The following FRAS1 variants were observed in gnomAD, a reference collection of about 807,000 sequenced individuals.
FRAS1 encodes the protein Fraser extracellular matrix complex subunit 1.
Under a neutral mutation model 435.2 loss-of-function variants are expected in FRAS1, and 290 were observed. The observed-to-expected ratio is 0.67, with a 90% CI of 0.61 to 0.73. The LOEUF is 0.73. FRAS1 is among the 30% of genes least tolerant of loss of function. FRAS1 has a pLI of 0.00. For missense variants in FRAS1, 4,860 were observed against 5,001.5 expected, an observed-to-expected ratio of 0.97 and a Z score of 0.85; for synonymous variants, 1,800 against 1,851.0, an observed-to-expected ratio of 0.97 and a Z score of 0.71.
At chr4:78,334,237 C>T (rs921172066) in intron 19 of FRAS1, among the ~76,000 whole-genome samples, 2 of 151,782 alleles carry the variant, frequency 1.3e-5, no homozygotes, top group African/African-American at 4.8e-5. Flanking sequence ...TTAGAAGCAA[C>T]AAATATTACC....
At chr4:78,342,825 A>AG (rs1443584693) in intron 20 of FRAS1, among the ~76,000 whole-genome samples, 1 of 152,218 alleles carries the variant, frequency 6.6e-6, no homozygotes, top group Non-Finnish European at 1.5e-5. Flanking sequence ...GTAATATTGC[A>AG]GAGGGGAAGA....
At chr4:78,328,691 C>G (rs1164479142) in intron 18 of FRAS1, among the ~76,000 whole-genome samples, 1 of 151,994 alleles carries the variant, frequency 6.6e-6, no homozygotes, top group Admixed American at 6.6e-5. Context: ...ATTTTGAGGG[C>G]CCATCTAAAA....
rs767838864 is a variant in FRAS1 at position 78,375,770 on chromosome 4, C to T, written c.3183C>T (p.His1061=). 5.0e-6 allele frequency: 8 copies of T among 1,608,166 alleles called. No homozygotes were observed. The highest frequency in any genetic ancestry group is 1.1e-5 in the South Asian group (1 of 89,996). Residue 1061 remains histidine, a synonymous_variant, in exon 26 of 74, where the codon CAC becomes CAT. Coordinates refer to ENST00000512123, the MANE Select transcript of FRAS1 (RefSeq NM_025074.7). ...ACPQGCLQCS[H]RDRCHLCDHG... ...CTCAGGGGTGCTTGCAGTGCAGCCA[C>T]AGGGACCGTTGTCACCTCTGTGACC...
At chr4:78,462,280 C>G (rs1274040546) in intron 47 of FRAS1, among the ~76,000 whole-genome samples, 1 of 151,988 alleles carries the variant, frequency 6.6e-6, no homozygotes, top group South Asian at 2.1e-4. Context: ...GAGACTGAGG[C>G]AGGAGAATCA....
intron 38 of FRAS1, among the ~76,000 whole-genome samples, chr4:78,434,670 A>C (rs2109817804): frequency 6.6e-6 from 1 of 152,274 alleles, no homozygotes; most frequent in Middle Eastern, 3.4e-3. Context: ...TATTAGAAAA[A>C]AAGGAGAATT....
Position 78,524,584 on chromosome 4 carries a change from C to G in FRAS1, c.10808+1776C>G, listed in dbSNP as rs78342990. Among the ~76,000 whole-genome samples the G allele has an allele frequency of 2.9e-3, 439 of 152,236 alleles. 4 individuals carry two copies. The highest frequency in any genetic ancestry group is 0.024 in the East Asian group (125 of 5,174). On this transcript the variant is annotated intron_variant, in intron 69 of 73. Coordinates refer to ENST00000512123, the MANE Select transcript of FRAS1 (RefSeq NM_025074.7). The stretch of plus-strand genomic sequence containing the variant: ...TTGAAGGGATCATGAGGAAATGGAC[C>G]TAAGTAGTATTTAGGAATAGAGAAA...
chr4:78,142,949 G>A (rs1234569518), intron 2 of FRAS1, among the ~76,000 whole-genome samples: 1 of 151,614 alleles, frequency 6.6e-6, no homozygotes, highest in African/African-American at 2.4e-5. Context: ...AAGACAAGAA[G>A]GAGAGAAAAA....
intron 70 of FRAS1, among the ~76,000 whole-genome samples, chr4:78,533,007 G>A (rs1276581431): frequency 6.6e-6 from 1 of 152,176 alleles, no homozygotes; most frequent in African/African-American, 2.4e-5. Flanking sequence ...CAGGAATAGG[G>A]ATTGCTGGGT....
intron 2 of FRAS1, among the ~76,000 whole-genome samples, chr4:78,149,509 A>C (rs1479411293): frequency 6.6e-6 from 1 of 152,116 alleles, no homozygotes; most frequent in Non-Finnish European, 1.5e-5. Context: ...CCCTCTAGAC[A>C]TTTTCCATGT....
intron 9 of FRAS1, among the ~76,000 whole-genome samples, chr4:78,270,590 A>C (rs1726626801): frequency 8.2e-6 from 1 of 122,170 alleles, no homozygotes; most frequent in Non-Finnish European, 1.6e-5. Flanking sequence ...TCTTTGCCTC[A>C]TTTAGGTGAT....
At chr4:78,301,702 T>C (rs1477771081) in intron 14 of FRAS1, among the ~76,000 whole-genome samples, 1 of 152,142 alleles carries the variant, frequency 6.6e-6, no homozygotes, top group Non-Finnish European at 1.5e-5. Context: ...TGGAGGACCA[T>C]CTGATTTCAT....
chr4:78,335,874 A>T (rs750369305), intron 19 of FRAS1, among the ~76,000 whole-genome samples: 1 of 150,996 alleles, frequency 6.6e-6, no homozygotes, highest in Non-Finnish European at 1.5e-5. Context: ...CTAAAATTTA[A>T]GGACTTTATT....
intron 65 of FRAS1, among the ~76,000 whole-genome samples, chr4:78,514,934 G>T (rs902590748): frequency 8.5e-5 from 13 of 152,054 alleles, no homozygotes; most frequent in Admixed American, 7.9e-4. Context: ...CAGGTGTGGT[G>T]ACGTGCACCT....
At chr4:78,215,644 A>G (rs1285511327) in intron 2 of FRAS1, among the ~76,000 whole-genome samples, 3 of 152,144 alleles carry the variant, frequency 2.0e-5, no homozygotes, top group Non-Finnish European at 4.4e-5. Context: ...GGCAACCTCC[A>G]TTCTATTCTC....
At position 78,252,526 on chromosome 4, in the gene FRAS1, C is replaced by T. The variant is rs763346723; in HGVS notation, c.444C>T (p.Cys148=). Residue 148 remains cysteine (C), a synonymous_variant, in exon 5 of 74, where the codon TGC becomes TGT. Coordinates refer to ENST00000512123, the MANE Select transcript of FRAS1 (RefSeq NM_025074.7). ...TGGCATTCATCCCTGAAGGAAGCTGCTGCCCAGTTTGTGTGGGCCTTGGGA... is the reference window on the plus strand; with the variant it reads ...TGGCATTCATCCCTGAAGGAAGCTGTTGCCCAGTTTGTGTGGGCCTTGGGA... ...QELAFIPEGS[C]CPVCVGLGKP... The T allele has an allele frequency of 1.2e-6, 2 of 1,613,736 alleles. No individual in the cohort carries two copies.
chr4:78,381,436 C>T (rs1310934761), intron 27 of FRAS1, among the ~76,000 whole-genome samples: 1 of 152,190 alleles, frequency 6.6e-6, no homozygotes, highest in African/African-American at 2.4e-5. Context: ...ACTACAGGCA[C>T]ATGCCACCAT....
intron 9 of FRAS1, among the ~76,000 whole-genome samples, chr4:78,273,747 T>C (rs1040054379): frequency 5.3e-5 from 8 of 152,242 alleles, no homozygotes; most frequent in Non-Finnish European, 1.0e-4. Flanking sequence ...TTCATTGATG[T>C]TCCTCATGGA....
At chr4:78,336,849 A>T (rs1280898434) in intron 19 of FRAS1, among the ~76,000 whole-genome samples, 3 of 152,036 alleles carry the variant, frequency 2.0e-5, no homozygotes, top group Non-Finnish European at 4.4e-5. Flanking sequence ...TTGGCAGAGA[A>T]GTTCTTAAAT....
chr4:78,228,432 A>T (rs1724364327), intron 2 of FRAS1, among the ~76,000 whole-genome samples: 1 of 152,236 alleles, frequency 6.6e-6, no homozygotes, highest in Non-Finnish European at 1.5e-5. Flanking sequence ...ATGTTAGAAC[A>T]AGTGGAAAAC....
Sources: gnomAD v4.1 joint callset for allele counts (sites outside exome capture counted in the v4.1 genomes callset) on GRCh38, gnomAD v4.1.1 for gene constraint, MANE v1.5 for transcripts, NCBI Gene and HGNC (gene_info 2026-07-23, HGNC 2026-07-21) for gene names.